The following RNF212 variants were observed in gnomAD, a reference collection of about 807,000 sequenced individuals.
RNF212 encodes probable E3 SUMO-protein ligase RNF212.
Under a neutral mutation model 34.7 loss-of-function variants are expected in RNF212, and 33 were observed. That is an observed-to-expected ratio of 0.95 (90% CI 0.72 to 1.27). The LOEUF is 1.27. Among genes scored for constraint, RNF212 ranks in the 50% most tolerant of loss-of-function variants. The pLI, the probability that RNF212 is intolerant of heterozygous loss-of-function variation, is 0.00. For synonymous variants in RNF212, 140 were observed against 136.1 expected (o/e 1.03, Z -0.20); for missense variants, 377 against 362.2 (o/e 1.04, Z -0.33).
intron 2 of RNF212, chr4:1,099,583 T>G: frequency 2.6e-6 from 1 of 384,536 alleles, no homozygotes; most frequent in Non-Finnish European, 5.2e-6. Context: ...TTGTTAGACT[T>G]TTAAAAGTCA....
At position 1,079,766 on chromosome 4, in the gene RNF212, C is replaced by T. The variant is rs377686905; in HGVS notation, c.465-78G>A. 9.2e-5 allele frequency: 86 copies of T among 939,618 alleles called. 1 individual carries two copies. In the African/African-American group the frequency reaches 1.0e-3, roughly 11 times the overall value. 58.2% of individuals were successfully genotyped at this position (939,618 alleles called of 1,614,324 possible). On this transcript the variant is annotated intron_variant, in intron 7 of 9. Coordinates refer to ENST00000433731, the MANE Select transcript of RNF212 (RefSeq NM_001131034.4). ...AACGTCAGTTGAAATACACACATGA[C>T]GAGATGATGTGTAAATGTCTAAATC...
chr4:1,090,911 A>C (rs1722087875), intron 3 of RNF212, 73 bp from the exon 4 acceptor site: 1 of 904,776 alleles, frequency 1.1e-6, no homozygotes, highest in African/African-American at 1.6e-5. Flanking sequence ...TTGGGGGAGG[A>C]GGAGGCTGGA....
intron 9 of RNF212, 32 bp from the exon 10 acceptor site, chr4:1,073,225 G>C (rs774830888): frequency 6.2e-7 from 1 of 1,606,072 alleles, no homozygotes; most frequent in South Asian, 1.1e-5. Flanking sequence ...AGCGTGTGGG[G>C]AGATGGCCTG....
intron 4 of RNF212, among the ~76,000 whole-genome samples, chr4:1,088,008 AG>A (rs1305926803): frequency 6.6e-6 from 1 of 152,176 alleles, no homozygotes; most frequent in African/African-American, 2.4e-5. Flanking sequence ...GGATTAATAA[AG>A]AAAATTGGTA....
chr4:1,081,584 A>C lies in RNF212; in HGVS notation c.398T>G (p.Ile133Arg). The change falls in exon 6 of 10, where the codon ATA (isoleucine) becomes AGA (arginine). Residue 133 changes from isoleucine to arginine, a missense_variant. Coordinates refer to ENST00000433731, the MANE Select transcript of RNF212 (RefSeq NM_001131034.4). ...TTACTTACTTGAAACTGAACTTTTTATTGTGCTGAAAGCTGTTTGTTGTGA... is the reference window on the plus strand; with the variant it reads ...TTACTTACTTGAAACTGAACTTTTTCTTGTGCTGAAAGCTGTTTGTTGTGA... ...RSSQQTAFST[I>R]KSSVSTKPHG... 1 of 1,610,968 alleles carries C rather than the reference A, an allele frequency of 6.2e-7. No individual in the cohort carries two copies. The highest frequency in any genetic ancestry group is 1.7e-4 in the Middle Eastern group (1 of 6,060).
In RNF212 at chr4:1,112,471, G is replaced by A. The variant is rs145764708; in HGVS notation, c.109+885C>T. On this transcript the variant is annotated intron_variant, in intron 1 of 9. Coordinates refer to ENST00000433731, the MANE Select transcript of RNF212 (RefSeq NM_001131034.4). ...TGCTTTTGTTCTTGCATAAACATCA[G>A]TTCAACACAAAATTTTCACAGAAAG... Among the ~76,000 whole-genome samples, 205 of 151,676 alleles carry A rather than the reference G, an allele frequency of 1.4e-3. 2 individuals carry two copies. The highest frequency in any genetic ancestry group is 4.7e-3 in the African/African-American group (195 of 41,370).
At chr4:1,089,900 AT>A (rs1379766299) in intron 4 of RNF212, among the ~76,000 whole-genome samples, 4 of 152,214 alleles carry the variant, frequency 2.6e-5, no homozygotes, top group African/African-American at 9.7e-5. Flanking sequence ...CTGTGAGTCC[AT>A]TCAACCTCTT....
chr4:1,106,505 T>C (rs1370486905), intron 2 of RNF212, among the ~76,000 whole-genome samples: 1 of 152,168 alleles, frequency 6.6e-6, no homozygotes, highest in African/African-American at 2.4e-5. Flanking sequence ...TCCTTTCAAA[T>C]AATTCCTGAG....
intron 2 of RNF212, among the ~76,000 whole-genome samples, chr4:1,099,228 A>C (rs1283724648): frequency 1.3e-5 from 2 of 152,246 alleles, no homozygotes; most frequent in African/African-American, 4.8e-5. Flanking sequence ...CTTTCAACAA[A>C]GAATTCTGAA....
Position 1,110,525 on chromosome 4 carries a change from C to A in RNF212, c.110-2121G>T, listed in dbSNP as rs180702838. Among the ~76,000 whole-genome samples the A allele has an allele frequency of 1.1e-4, 17 of 152,200 alleles. No individual in the cohort carries two copies. The East Asian group carries it at 2.5e-3, about 22-fold the overall frequency. On this transcript the variant is annotated intron_variant, in intron 1 of 9. Transcript: ENST00000433731. ...GTGTCTCATAGCAAAACGGCAGAAA[C>A]TATGTTATGGTATGATAGCCAAAAG...
chr4:1,061,081 A>ACTGACTCCTGAAATCAGAATG (rs1717720479), intron 3 of RNF212, among the ~76,000 whole-genome samples: 1 of 152,252 alleles, frequency 6.6e-6, no homozygotes, highest in Non-Finnish European at 1.5e-5. Context: ...AAATCAGAAC[A>ACTGACTCCTGAAATCAGAATG]CACTGACTCC....
chr4:1,100,852 G>A (rs1487440198), intron 2 of RNF212: 1 of 156,236 alleles, frequency 6.4e-6, no homozygotes, highest in Non-Finnish European at 1.4e-5. Context: ...GTTCTTCAGT[G>A]TAGATGCCTA....
chr4:1,077,685 A>C (rs1719547185), intron 8 of RNF212, among the ~76,000 whole-genome samples: 1 of 152,218 alleles, frequency 6.6e-6, no homozygotes, highest in South Asian at 2.1e-4. Context: ...CTAGTGCAGC[A>C]AGGGACAGCT....
intron 1 of RNF212, among the ~76,000 whole-genome samples, chr4:1,111,582 T>C (rs1403054400): frequency 6.6e-6 from 1 of 152,038 alleles, no homozygotes; most frequent in Non-Finnish European, 1.5e-5. Flanking sequence ...CTACCTAACT[T>C]CTCCTGAACC....
chr4:1,080,182 T>A (rs1412777084), intron 7 of RNF212, among the ~76,000 whole-genome samples: 1 of 152,204 alleles, frequency 6.6e-6, no homozygotes, highest in Non-Finnish European at 1.5e-5. Flanking sequence ...AGGATTCATT[T>A]TGCGTTGGCC....
chr4:1,088,109 A>G (rs563523707), intron 4 of RNF212, among the ~76,000 whole-genome samples: 23 of 152,306 alleles, frequency 1.5e-4, no homozygotes, highest in African/African-American at 5.1e-4. Flanking sequence ...AACAATTTGG[A>G]GGGCTCAGAA....
At chr4:1,086,512 G>A (rs1284141425) in intron 4 of RNF212, among the ~76,000 whole-genome samples, 1 of 141,150 alleles carries the variant, frequency 7.1e-6, no homozygotes, top group East Asian at 2.1e-4. Flanking sequence ...GAAGCCTCCA[G>A]GCAGGGTTTT....
At chr4:1,085,147 G>A (rs1400238116) in intron 5 of RNF212, among the ~76,000 whole-genome samples, 1 of 152,254 alleles carries the variant, frequency 6.6e-6, no homozygotes, top group Non-Finnish European at 1.5e-5. Context: ...ACGGGGGCTT[G>A]TGACTATTCA....
chr4:1,080,339 T>C (rs1577679635), intron 7 of RNF212, among the ~76,000 whole-genome samples: 3 of 152,280 alleles, frequency 2.0e-5, no homozygotes, highest in Middle Eastern at 6.8e-3. Flanking sequence ...GCCTCAGCAC[T>C]CATTTTGAAG....
Sources: allele counts gnomAD v4.1 joint callset (sites outside exome capture counted in the v4.1 genomes callset), GRCh38; gene constraint gnomAD v4.1.1; transcripts MANE v1.5; gene names NCBI Gene and HGNC (gene_info 2026-07-23, HGNC 2026-07-21).